C4BPA: variants seen among roughly 807,000 people sequenced by gnomAD.
C4BPA encodes the protein complement component 4 binding protein alpha.
C4BPA carries 31 observed loss-of-function variants against 63.7 expected under a neutral mutation model. The ratio of observed to expected loss-of-function variants is 0.49; its 90% CI spans 0.37 to 0.66. The LOEUF is 0.66. Among genes scored for constraint, C4BPA ranks in the 30% least tolerant of loss-of-function variants. The pLI is 0.00. For synonymous variants in C4BPA, 259 were observed against 254.7 expected (o/e 1.02, Z -0.16); for missense variants, 572 against 723.3 (o/e 0.79, Z 2.40).
At chr1:207,110,654 G>T (rs1684649688) in intron 1 of C4BPA, among the ~76,000 whole-genome samples, 1 of 152,044 alleles carries the variant, frequency 6.6e-6, no homozygotes, top group African/African-American at 2.4e-5. Flanking sequence ...AAAAGAAAAA[G>T]AAATCATTTT....
chr1:207,133,038 A>G (rs1380633313), intron 8 of C4BPA, among the ~76,000 whole-genome samples: 2 of 152,192 alleles, frequency 1.3e-5, no homozygotes, highest in African/African-American at 4.8e-5. Flanking sequence ...CATTTATTTG[A>G]TCCCCTATGA....
chr1:207,104,964 G>A (rs1158690617), intron 1 of C4BPA, among the ~76,000 whole-genome samples: 2 of 152,218 alleles, frequency 1.3e-5, no homozygotes, highest in Non-Finnish European at 2.9e-5. Context: ...GGTTTCTGAA[G>A]CTAGCAGTCT....
At chr1:207,126,069 C>T (rs1389999791) in intron 6 of C4BPA, among the ~76,000 whole-genome samples, 1 of 151,870 alleles carries the variant, frequency 6.6e-6, no homozygotes, top group Non-Finnish European at 1.5e-5. Flanking sequence ...GAAATTAGGC[C>T]ATTATACTGA....
At chr1:207,125,148 A>G (rs1022729781) in intron 6 of C4BPA, among the ~76,000 whole-genome samples, 1 of 152,244 alleles carries the variant, frequency 6.6e-6, no homozygotes, top group Non-Finnish European at 1.5e-5. Context: ...CGAGGGGCAC[A>G]AAAGAGCAGG....
At chr1:207,144,165 G>T (rs1480493688) in intron 11 of C4BPA, among the ~76,000 whole-genome samples, 172 bp downstream of exon 11, 3 of 152,072 alleles carry the variant, frequency 2.0e-5, no homozygotes, top group Non-Finnish European at 4.4e-5. Flanking sequence ...GTAAGTTAGG[G>T]GTGGCAAGTT....
intron 9 of C4BPA, among the ~76,000 whole-genome samples, chr1:207,138,674 C>A (rs1161256138): frequency 1.3e-5 from 2 of 152,194 alleles, no homozygotes; most frequent in Non-Finnish European, 2.9e-5. Flanking sequence ...CTAACATGGG[C>A]CCCGCTCAAA....
At chr1:207,144,068 A>G in intron 11 of C4BPA, 75 bp downstream of exon 11, 1 of 1,032,722 alleles carries the variant, frequency 9.7e-7, no homozygotes, top group Non-Finnish European at 1.4e-6. Flanking sequence ...GCTCTGTACC[A>G]CTCAACAATG....
chr1:207,124,114 A>G, intron 5 of C4BPA, 61 bp from the exon 6 acceptor site: 1 of 1,556,268 alleles, frequency 6.4e-7, no homozygotes, highest in Non-Finnish European at 8.9e-7. Flanking sequence ...ATTTGCATGA[A>G]TTTTAGATTT....
intron 6 of C4BPA, among the ~76,000 whole-genome samples, 200 bp from the exon 7 acceptor site, chr1:207,126,513 T>C (rs983224615): frequency 6.7e-6 from 1 of 149,772 alleles, no homozygotes; most frequent in Non-Finnish European, 1.5e-5. Flanking sequence ...GGATTACATA[T>C]ATATATATAT....
intron 9 of C4BPA, 132 bp from the exon 10 acceptor site, chr1:207,140,974 C>T (rs995040118): frequency 8.0e-6 from 5 of 625,900 alleles, no homozygotes; most frequent in Non-Finnish European, 1.3e-5. Flanking sequence ...CTGGGTTTGG[C>T]TACGTGCTCT....
chr1:207,116,819 A>T (rs940340080), intron 4 of C4BPA, among the ~76,000 whole-genome samples: 1 of 152,098 alleles, frequency 6.6e-6, no homozygotes. Context: ...ATTTTAGACT[A>T]TATCTTTTCA....
Position 207,124,027 on chromosome 1 carries a change from A to G in C4BPA, c.514+20A>G. On this transcript the variant is annotated intron_variant, in intron 5 of 11. Coordinates refer to ENST00000367070, the MANE Select transcript of C4BPA (RefSeq NM_000715.4). ...GTGAAAGTAAGTAAAGACTCTTCTG[A>G]CTTGACTATCAATTTAAACTCTGTT... 1 of 1,566,048 alleles carries G rather than the reference A, an allele frequency of 6.4e-7. No individual in the cohort carries two copies. The highest frequency in any genetic ancestry group is 1.7e-4 in the Middle Eastern group (1 of 5,968).
rs376835041 is a variant in C4BPA, at chr1:207,144,636, A to G, written c.1713A>G (p.Val571=). Residue 571 remains valine (V), a synonymous_variant, in exon 12 of 12, where the codon GTA becomes GTG. Transcript: ENST00000367070. ...NPEDVKMALE[V]YKLSLEIEQL... is the part of the protein sequence containing the mutation. The stretch of plus-strand genomic sequence containing the variant: ...AGGATGTGAAAATGGCCCTGGAGGT[A>G]TATAAGCTGTCTCTGGAAATTGAAC... 2 of 1,613,574 alleles carry G rather than the reference A, an allele frequency of 1.2e-6. No homozygotes were observed. Among genetic ancestry groups the G allele is most frequent in the East Asian group, 2.2e-5 (1 of 44,822 alleles).
In C4BPA at chr1:207,115,492, A is replaced by G; in HGVS notation, c.405A>G (p.Gln135=). The G allele has an allele frequency of 1.9e-6, 3 of 1,591,282 alleles. No homozygotes were observed. The highest frequency in any genetic ancestry group is 2.6e-6 in the Non-Finnish European group (3 of 1,169,004). ...EIKTDLSFGS[Q]IEFSCSEGFF... ...AGACAGATTTATCTTTTGGATCACA[A>G]ATAGAATTCAGCTGTTCAGAAGGGT... Residue 135 remains glutamine (Q), a synonymous_variant, in exon 4 of 12, where the codon CAA becomes CAG. Coordinates refer to ENST00000367070, the MANE Select transcript of C4BPA (RefSeq NM_000715.4).
intron 2 of C4BPA, among the ~76,000 whole-genome samples, 161 bp downstream of exon 2, chr1:207,113,328 T>C (rs1375257694): frequency 6.6e-6 from 1 of 152,236 alleles, no homozygotes; most frequent in Admixed American, 6.5e-5. Context: ...AAATTTGCTT[T>C]ACACATAAAG....
chr1:207,124,473 T>C (rs1279055603), intron 6 of C4BPA, 107 bp downstream of exon 6: 2 of 783,152 alleles, frequency 2.6e-6, no homozygotes, highest in Non-Finnish European at 2.0e-6. Context: ...AAAGATAAAC[T>C]AACTATCGCT....
chr1:207,113,112 T>G lies in C4BPA; in HGVS notation c.87T>G (p.Ser29=). 6.2e-7 allele frequency: 1 copy of G among 1,611,258 alleles called. No homozygotes were observed. Among genetic ancestry groups the G allele is most frequent in the Non-Finnish European group, 8.5e-7 (1 of 1,178,868 alleles). Residue 29 remains serine (S), a synonymous_variant, in exon 2 of 12, where the codon TCT becomes TCG. Coordinates refer to ENST00000367070, the MANE Select transcript of C4BPA (RefSeq NM_000715.4). ...CCTTCTCCAGGCTGTGGAAAGTCTC[T>G]GATCCAATTCTCTTCCAAATGACCT... The part of the protein sequence containing the change: ...AWPFSRLWKV[S]DPILFQMTLI...
At chr1:207,141,332 C>T in intron 10 of C4BPA, 56 bp downstream of exon 10, 2 of 1,366,986 alleles carry the variant, frequency 1.5e-6, no homozygotes, top group Non-Finnish European at 2.0e-6. Flanking sequence ...GTCCTGAGAG[C>T]ACTGAGAGCT....
rs1467918053 is a variant in C4BPA, at chr1:207,131,598, T to G, written c.942T>G (p.Pro314=). 1.8e-5 allele frequency: 29 copies of G among 1,613,090 alleles called. No individual in the cohort carries two copies. Among genetic ancestry groups the G allele is most frequent in the Non-Finnish European group, 2.5e-5 (29 of 1,179,278 alleles). Residue 314 remains proline (P), a synonymous_variant, in exon 8 of 12, where the codon CCT becomes CCG. Transcript: ENST00000367070. ...DIPHASWETY[P]RPTKEDVYVV... is the part of the protein sequence containing the mutation. ...CACATGCTTCCTGGGAAACATATCC[T>G]AGGCCGACAAAAGAGGATGTGTATG... is the stretch of plus-strand genomic sequence containing the variant.
Sources: allele counts gnomAD v4.1 joint callset (sites outside exome capture counted in the v4.1 genomes callset), GRCh38; gene constraint gnomAD v4.1.1; transcripts MANE v1.5; gene names NCBI Gene and HGNC (gene_info 2026-07-23, HGNC 2026-07-21).